The following IGSF21 variants were observed in gnomAD, a reference collection of about 807,000 sequenced individuals.
The protein encoded by IGSF21 is immunoglobin superfamily member 21, also known as immunoglobulin superfamily member 21.
Under a neutral mutation model 46.8 loss-of-function variants are expected in IGSF21, and 28 were observed. That is an observed-to-expected ratio of 0.60 (90% CI 0.44 to 0.82). The LOEUF (loss-of-function observed/expected upper bound fraction) is 0.82. Ranked by LOEUF, IGSF21 falls within the 40% of genes least tolerant of loss-of-function variation. The pLI, the probability that IGSF21 is intolerant of heterozygous loss-of-function variation, is 0.00. For missense variants in IGSF21, 624 were observed against 665.5 expected, an observed-to-expected ratio of 0.94 and a Z score of 0.69; for synonymous variants, 284 against 273.6, an observed-to-expected ratio of 1.04 and a Z score of -0.38.
At chr1:18,212,644 C>T (rs897023141) in intron 1 of IGSF21, among the ~76,000 whole-genome samples, 1 of 152,184 alleles carries the variant, frequency 6.6e-6, no homozygotes, top group Non-Finnish European at 1.5e-5. Context: ...CTGTGGTTTC[C>T]CTATTGCTGA....
intron 2 of IGSF21, among the ~76,000 whole-genome samples, chr1:18,230,563 A>G (rs1467768308): frequency 6.6e-6 from 1 of 151,960 alleles, no homozygotes; most frequent in African/African-American, 2.4e-5. Context: ...GGCTCAGCTG[A>G]CTGGTTACTG....
chr1:18,140,567 C>T (rs936342270), intron 1 of IGSF21, among the ~76,000 whole-genome samples: 1 of 152,212 alleles, frequency 6.6e-6, no homozygotes, highest in Admixed American at 6.5e-5. Context: ...ACTCCCACAT[C>T]GTGGCTCCAG....
intron 3 of IGSF21, among the ~76,000 whole-genome samples, chr1:18,302,282 AC>A (rs1569765144): frequency 6.6e-6 from 1 of 151,674 alleles, no homozygotes; most frequent in East Asian, 1.9e-4. Context: ...CATGCATTCC[AC>A]TTTAGCCTTC....
rs1184119561 is a variant in IGSF21, at chr1:18,107,864, C to A, written c.-265C>A. On this transcript the variant is annotated 5_prime_UTR_variant, in exon 1 of 10. Coordinates refer to ENST00000251296, the MANE Select transcript of IGSF21 (RefSeq NM_032880.5). ...GGGCCGCGGTGGGCACCGCGCGCAG[C>A]TAGGGAGCCGAGAACCGCGGCGAGC... The A allele has an allele frequency of 1.2e-5, 2 of 164,134 alleles. No homozygotes were observed. Among genetic ancestry groups the A allele is most frequent in the Non-Finnish European group, 2.6e-5 (2 of 76,404 alleles). 10.2% of individuals were successfully genotyped at this position (164,134 alleles called of 1,614,324 possible). A position where few individuals can be genotyped will look rare whatever the true frequency, so the allele number is the denominator to read the frequency against.
intron 4 of IGSF21, among the ~76,000 whole-genome samples, chr1:18,351,551 T>C (rs1484578665): frequency 6.6e-6 from 1 of 152,130 alleles, no homozygotes; most frequent in Non-Finnish European, 1.5e-5. Context: ...AGCCCACTGC[T>C]CTCTGGGGGG....
chr1:18,278,531 T>TG (rs1553160094), intron 2 of IGSF21, among the ~76,000 whole-genome samples: 11 of 140,786 alleles, frequency 7.8e-5, no homozygotes, highest in African/African-American at 1.9e-4. Context: ...GTAAGGTTTT[T>TG]TTTGTTTGTT....
At chr1:18,256,982 A>G (rs1283178538) in intron 2 of IGSF21, among the ~76,000 whole-genome samples, 1 of 152,078 alleles carries the variant, frequency 6.6e-6, no homozygotes, top group Non-Finnish European at 1.5e-5. Flanking sequence ...CACCCATCTC[A>G]GTTGCCTCCT....
rs149970037 is a variant in IGSF21, at chr1:18,216,958, C to T, written c.71-10940C>T. The stretch of plus-strand genomic sequence containing the variant: ...TTTGTCTTCATGAGATAGGGGTGAC[C>T]TCTTTTCTTCATGAGTGGTAGTGCG... On this transcript the variant is annotated intron_variant, in intron 1 of 9. Coordinates refer to ENST00000251296, the MANE Select transcript of IGSF21 (RefSeq NM_032880.5). Among the ~76,000 whole-genome samples, 3 of 152,218 alleles carry T rather than the reference C, an allele frequency of 2.0e-5. No homozygotes were observed. In the East Asian group the frequency reaches 5.8e-4, roughly 29 times the overall value.
intron 1 of IGSF21, among the ~76,000 whole-genome samples, chr1:18,217,151 T>C (rs2084457690): frequency 6.6e-6 from 1 of 152,050 alleles, no homozygotes; most frequent in Non-Finnish European, 1.5e-5. Context: ...CCAGGTCAAG[T>C]TGTGGTGTGA....
intron 2 of IGSF21, among the ~76,000 whole-genome samples, chr1:18,266,044 G>A (rs2084986773): frequency 6.6e-6 from 1 of 152,076 alleles, no homozygotes; most frequent in South Asian, 2.1e-4. Flanking sequence ...ACGTGCAGAT[G>A]AGGTGGGAAT....
chr1:18,135,249 TTTTA>T lies in IGSF21; in HGVS notation c.70+27067_70+27070del, dbSNP rs1053477690. Among the ~76,000 whole-genome samples the T allele has an allele frequency of 1.3e-3, 192 of 152,228 alleles. 1 individual carries two copies. Among genetic ancestry groups the T allele is most frequent in the African/African-American group, 3.9e-3 (164 of 41,538 alleles). ...GGTAATTTATTTATTTATGTACTTG[TTTTA>T]TTTATTTATTTATTTTTATTATTAT... On this transcript the variant is annotated intron_variant, in intron 1 of 9. Coordinates refer to ENST00000251296, the MANE Select transcript of IGSF21 (RefSeq NM_032880.5).
intron 2 of IGSF21, among the ~76,000 whole-genome samples, chr1:18,249,898 G>A (rs533808913): frequency 8.1e-4 from 123 of 152,230 alleles, no homozygotes; most frequent in African/African-American, 2.9e-3. Context: ...CTGCTGCCAG[G>A]GGAGGCATTG....
At chr1:18,315,344 C>T (rs2124588433) in intron 3 of IGSF21, among the ~76,000 whole-genome samples, 1 of 152,324 alleles carries the variant, frequency 6.6e-6, no homozygotes, top group East Asian at 1.9e-4. Context: ...ACCCCAGATG[C>T]CTCTGGGAAC....
At chr1:18,152,481 T>C (rs1286735637) in intron 1 of IGSF21, among the ~76,000 whole-genome samples, 1 of 152,178 alleles carries the variant, frequency 6.6e-6, no homozygotes, top group Non-Finnish European at 1.5e-5. Flanking sequence ...AGTCTTGAGC[T>C]CACAATTTGG....
In IGSF21 at chr1:18,376,822, T is replaced by C. The variant is rs765558356; in HGVS notation, c.1124T>C (p.Met375Thr). 1.3e-6 allele frequency: 2 copies of C among 1,599,306 alleles called. No homozygotes were observed. Among genetic ancestry groups the C allele is most frequent in the Non-Finnish European group, 8.6e-7 (1 of 1,168,806 alleles). Residue 375 changes from methionine to threonine, a missense_variant, in exon 8 of 10, where the codon ATG (methionine) becomes ACG (threonine). Met to Thr is a moderately conservative substitution (Grantham distance 81, BLOSUM62 -1). Transcript: ENST00000251296. The part of the protein sequence containing the change: ...GFQNEVFPEP[M>T]FTWTRVGSRL... ...CAGAACGAAGTCTTCCCGGAGCCCA[T>C]GTTCACGTGGACGCGGGTTGGGAGC...
chr1:18,259,600 G>C (rs1241652880), intron 2 of IGSF21, among the ~76,000 whole-genome samples: 4 of 152,092 alleles, frequency 2.6e-5, no homozygotes, highest in Non-Finnish European at 4.4e-5. Flanking sequence ...TCTCTTCATG[G>C]GGACTTTCCT....
At chr1:18,209,532 GCAA>G (rs2084367827) in intron 1 of IGSF21, among the ~76,000 whole-genome samples, 2 of 151,588 alleles carry the variant, frequency 1.3e-5, no homozygotes, top group Non-Finnish European at 2.9e-5. Flanking sequence ...TTGGCTCACT[GCAA>G]CCTCTGCCTG....
At chr1:18,270,567 T>C (rs1273460413) in intron 2 of IGSF21, among the ~76,000 whole-genome samples, 2 of 152,238 alleles carry the variant, frequency 1.3e-5, no homozygotes, top group Non-Finnish European at 2.9e-5. Flanking sequence ...CTTCCTTCCC[T>C]GTGCAGAGCA....
chr1:18,128,476 C>T (rs560878288), intron 1 of IGSF21, among the ~76,000 whole-genome samples: 2 of 152,320 alleles, frequency 1.3e-5, no homozygotes, highest in South Asian at 4.1e-4. Flanking sequence ...CTTCTCTGGA[C>T]TCTGACCCCA....
Sources: allele counts gnomAD v4.1 joint callset (sites outside exome capture counted in the v4.1 genomes callset), GRCh38; gene constraint gnomAD v4.1.1; transcripts MANE v1.5; gene names NCBI Gene and HGNC (gene_info 2026-07-23, HGNC 2026-07-21).